Variants in CCDC152 observed in about 807,000 individuals in gnomAD.
The protein encoded by CCDC152 is coiled-coil domain containing 152, also known as coiled-coil domain-containing protein 152.
In CCDC152, 37 loss-of-function variants were observed where a neutral mutation model predicts 38.1. That is an observed-to-expected ratio of 0.97 (90% CI 0.75 to 1.28). The LOEUF is 1.28. Ranked by LOEUF, CCDC152 falls within the 50% of genes most tolerant of loss-of-function variation. The pLI is 0.00. For missense variants in CCDC152, 259 were observed against 292.1 expected (o/e 0.89, Z 0.83); for synonymous variants, 83 against 87.1 (o/e 0.95, Z 0.26).
intron 6 of CCDC152, among the ~76,000 whole-genome samples, chr5:42,791,963 G>C (rs1346564093): frequency 3.3e-5 from 5 of 152,126 alleles, no homozygotes; most frequent in Admixed American, 2.0e-4. Context: ...GGTGCATCTT[G>C]ACCCTAGTTA....
intron 6 of CCDC152, among the ~76,000 whole-genome samples, chr5:42,795,268 A>G (rs1760059406): frequency 6.6e-6 from 1 of 152,214 alleles, no homozygotes; most frequent in Admixed American, 6.5e-5. Context: ...AATATTGGAC[A>G]AAGTATACTT....
chr5:42,783,740 C>T (rs1759879644), intron 6 of CCDC152, among the ~76,000 whole-genome samples, 164 bp downstream of exon 6: 1 of 151,196 alleles, frequency 6.6e-6, no homozygotes, highest in African/African-American at 2.4e-5. Context: ...ACCCTCACCC[C>T]TCCCACCCTC....
At chr5:42,783,935 C>T (rs1044381389) in intron 6 of CCDC152, among the ~76,000 whole-genome samples, 33 of 152,088 alleles carry the variant, frequency 2.2e-4, no homozygotes, top group African/African-American at 6.3e-4. Flanking sequence ...TTCTCTTTTA[C>T]AGCTGCGTAG....
intron 3 of CCDC152, among the ~76,000 whole-genome samples, chr5:42,769,278 T>C (rs1759667349): frequency 6.6e-6 from 1 of 151,936 alleles, no homozygotes; most frequent in Non-Finnish European, 1.5e-5. Flanking sequence ...TTTTCCTTTA[T>C]ATAATTTTAT....
chr5:42,766,944 C>T (rs187430085), intron 3 of CCDC152, among the ~76,000 whole-genome samples: 88 of 151,928 alleles, frequency 5.8e-4, no homozygotes, highest in African/African-American at 2.1e-3. Context: ...TTGATAAATG[C>T]TTGAGGGGAT....
intron 4 of CCDC152, among the ~76,000 whole-genome samples, chr5:42,779,122 T>C (rs2111562393): frequency 1.3e-5 from 2 of 152,308 alleles, no homozygotes; most frequent in African/African-American, 4.8e-5. Flanking sequence ...TCAAGTAGCT[T>C]CTCTTCTCTA....
rs1269702968 is a variant in CCDC152, at chr5:42,762,549, G to T, written c.193+1G>T. 6.8e-7 allele frequency: 1 copy of T among 1,469,264 alleles called. No individual in the cohort carries two copies. The highest frequency in any genetic ancestry group is 2.0e-5 in the Admixed American group (1 of 49,674). The allele number at this position is 1,469,264 out of a possible 1,614,324, so 91.0% of individuals were successfully genotyped here. A position where few individuals can be genotyped will look rare whatever the true frequency, so the allele number is the denominator to read the frequency against. ...GCAAAGGAGGTCTCCATTAAAGAAG[G>T]TTAGTTATTTGCTGCCTGAGGAATG... is the stretch of plus-strand genomic sequence containing the variant. On this transcript the variant is annotated splice_donor_variant, in intron 3 of 8. Transcript: ENST00000361970. LOFTEE classifies it high-confidence loss of function.
At chr5:42,784,945 T>C (rs1018468563) in intron 6 of CCDC152, among the ~76,000 whole-genome samples, 1 of 152,188 alleles carries the variant, frequency 6.6e-6, no homozygotes, top group Non-Finnish European at 1.5e-5. Flanking sequence ...GGTTCTTTAT[T>C]CTGTTTTACA....
intron 4 of CCDC152, among the ~76,000 whole-genome samples, chr5:42,776,047 G>C (rs1759764983): frequency 1.3e-5 from 2 of 151,846 alleles, no homozygotes; most frequent in African/African-American, 4.8e-5. Flanking sequence ...CAAAGAACAA[G>C]GTCTATGAAT....
intron 3 of CCDC152, among the ~76,000 whole-genome samples, chr5:42,763,231 G>A (rs1247997388): frequency 8.5e-5 from 13 of 152,158 alleles, no homozygotes. Flanking sequence ...TGAGACAAAA[G>A]CCAACTGAAA....
chr5:42,781,351 A>G (rs997085683), intron 5 of CCDC152, among the ~76,000 whole-genome samples: 2 of 152,182 alleles, frequency 1.3e-5, no homozygotes, highest in Admixed American at 6.5e-5. Flanking sequence ...CATTCCTACA[A>G]GTTGCCTGGC....
intron 4 of CCDC152, among the ~76,000 whole-genome samples, chr5:42,773,153 T>C (rs983022497): frequency 6.6e-6 from 1 of 152,228 alleles, no homozygotes; most frequent in Non-Finnish European, 1.5e-5. Flanking sequence ...TAAAAGGATC[T>C]GGTTTTTTGG....
intron 6 of CCDC152, among the ~76,000 whole-genome samples, chr5:42,791,140 T>G (rs1759994632): frequency 6.6e-6 from 1 of 152,226 alleles, no homozygotes; most frequent in African/African-American, 2.4e-5. Flanking sequence ...TGATAATTTT[T>G]TAATTGAGGC....
chr5:42,789,543 T>C (rs572958542), intron 6 of CCDC152, among the ~76,000 whole-genome samples: 4 of 152,312 alleles, frequency 2.6e-5, no homozygotes, highest in South Asian at 4.1e-4. Context: ...TATATATTTA[T>C]GTATGTAAAT....
At chr5:42,775,409 G>C (rs960337661) in intron 4 of CCDC152, among the ~76,000 whole-genome samples, 1 of 152,188 alleles carries the variant, frequency 6.6e-6, no homozygotes, top group Admixed American at 6.5e-5. Context: ...TAAAGGAGTA[G>C]AGTGAAATAT....
chr5:42,781,704 C>G (rs1454011945), intron 5 of CCDC152, among the ~76,000 whole-genome samples: 1 of 152,074 alleles, frequency 6.6e-6, no homozygotes, highest in Non-Finnish European at 1.5e-5. Flanking sequence ...CACTCCCATT[C>G]ATTCAAGAAA....
intron 6 of CCDC152, among the ~76,000 whole-genome samples, chr5:42,795,543 A>G (rs1046375362): frequency 1.3e-5 from 2 of 152,240 alleles, no homozygotes; most frequent in Non-Finnish European, 1.5e-5. Context: ...ATTGACATAA[A>G]TGATATACCC....
Position 42,759,204 on chromosome 5 carries a change from A to G in CCDC152, c.83A>G (p.Glu28Gly). The G allele has an allele frequency of 6.5e-7, 1 of 1,539,228 alleles. No homozygotes were observed. The highest frequency in any genetic ancestry group is 8.8e-7 in the Non-Finnish European group (1 of 1,136,440). ...DKLINDFSQI[E>G]KKMVETNGKN... ...CTTATAAATGACTTCTCACAGATAG[A>G]AAAGGTATGTAAAGATAGAAAACAA... is the stretch of plus-strand genomic sequence containing the variant. Residue 28 changes from glutamate (E) to glycine (G), a missense_variant, in exon 2 of 9, where the codon GAA becomes GGA. Physicochemically the swap from Glu to Gly is moderately conservative, Grantham distance 98. Transcript: ENST00000361970.
At position 42,801,380 on chromosome 5, in the gene CCDC152, A is replaced by G. The variant is rs376734713; in HGVS notation, c.*1599A>G. The G allele has an allele frequency of 1.5e-6, 2 of 1,349,752 alleles. No individual in the cohort carries two copies. The highest frequency in any genetic ancestry group is 2.9e-5 in the African/African-American group (2 of 68,608). The allele number at this position is 1,349,752 out of a possible 1,614,324, so 83.6% of individuals were successfully genotyped here. A position where few individuals can be genotyped will look rare whatever the true frequency, so the allele number is the denominator to read the frequency against. ...TTTTAACAAGCTTATAGAGATAGGAATAATGCGTGAAAAATGATTTGTAGA... is the reference window on the plus strand; with the variant it reads ...TTTTAACAAGCTTATAGAGATAGGAGTAATGCGTGAAAAATGATTTGTAGA... On this transcript the variant is annotated 3_prime_UTR_variant, in exon 9 of 9. Coordinates refer to ENST00000361970, the MANE Select transcript of CCDC152 (RefSeq NM_001134848.2).
Sources: allele counts gnomAD v4.1 joint callset (sites outside exome capture counted in the v4.1 genomes callset), GRCh38; gene constraint gnomAD v4.1.1; transcripts MANE v1.5; gene names NCBI Gene and HGNC (gene_info 2026-07-23, HGNC 2026-07-21).